The following SH3BP4 variants were observed in gnomAD, a reference collection of about 807,000 sequenced individuals.
SH3BP4 encodes the protein SH3 domain-binding protein 4.
Under a neutral mutation model 65.5 loss-of-function variants are expected in SH3BP4, and 33 were observed. That is an observed-to-expected ratio of 0.50 (90% confidence interval 0.38 to 0.67). The LOEUF (loss-of-function observed/expected upper bound fraction) is 0.67, where lower values mean the gene tolerates loss of function less well. Ranked by LOEUF, SH3BP4 falls within the 30% of genes least tolerant of loss-of-function variation. The pLI is 0.00. For synonymous variants in SH3BP4, 552 were observed against 545.5 expected (o/e 1.01, Z -0.17); for missense variants, 1,134 against 1,261.4 (o/e 0.90, Z 1.53).
intron 1 of SH3BP4, among the ~76,000 whole-genome samples, chr2:234,960,177 T>G (rs1692674649): frequency 6.6e-6 from 1 of 152,236 alleles, no homozygotes; most frequent in African/African-American, 2.4e-5. Flanking sequence ...ATAATTCATG[T>G]AGAATGCTAG....
At chr2:235,043,868 G>A (rs1483539146) in intron 4 of SH3BP4, among the ~76,000 whole-genome samples, 1 of 152,288 alleles carries the variant, frequency 6.6e-6, no homozygotes, top group Non-Finnish European at 1.5e-5. Context: ...GGGTTTACGG[G>A]GGATCCTGGG....
intron 3 of SH3BP4, among the ~76,000 whole-genome samples, chr2:235,038,376 C>CATATATAT (rs1177080438): frequency 9.7e-4 from 12 of 12,346 alleles, no homozygotes; most frequent in African/African-American, 1.4e-3. Context: ...AATATATATA[C>CATATATAT]ATATATATAT....
At chr2:235,001,648 C>A (rs1270026023) in intron 2 of SH3BP4, among the ~76,000 whole-genome samples, 2 of 152,168 alleles carry the variant, frequency 1.3e-5, no homozygotes, top group African/African-American at 4.8e-5. Flanking sequence ...CTGAACAATG[C>A]CTGAACGTCG....
Position 234,997,135 on chromosome 2 carries a change from G to T in SH3BP4, c.-133+1759G>T, listed in dbSNP as rs1693948284. The stretch of plus-strand genomic sequence containing the variant: ...GGGCAGAGCGTTGCATGTGCCTCTG[G>T]GTGGGGTGTAGGGGTGCTTGGGGGC... On this transcript the variant is annotated intron_variant, in intron 2 of 5. Transcript: ENST00000392011. The surrounding 1 kb of genome is among the most constrained non-coding windows in gnomAD (Gnocchi z 4.2). 6.6e-6 allele frequency among the ~76,000 whole-genome samples: 1 copy of T among 152,246 alleles called. No homozygotes were observed. Among genetic ancestry groups the T allele is most frequent in the East Asian group, 1.9e-4 (1 of 5,192 alleles).
At chr2:234,968,515 C>T (rs28672772) in intron 1 of SH3BP4, among the ~76,000 whole-genome samples, 4,029 of 151,764 alleles carry the variant, frequency 0.027, 161 homozygotes, top group African/African-American at 0.082. Flanking sequence ...CTGAGAATGC[C>T]TTCAGTGTTT....
chr2:235,030,065 G>C lies in SH3BP4; in HGVS notation c.-132-4806G>C, dbSNP rs1695131982. ...GCAATATGTAACCCTGGAGGTACAGGTGGAGACTGAGTAGTGGGGGTCTTT... is the reference window on the plus strand; with the variant it reads ...GCAATATGTAACCCTGGAGGTACAGCTGGAGACTGAGTAGTGGGGGTCTTT... On this transcript the variant is annotated intron_variant, in intron 2 of 5. Transcript: ENST00000392011. This position sits in a 1 kb window ranked among gnomAD's most constrained non-coding sequence, Gnocchi z 4.1. Among the ~76,000 whole-genome samples, 1 of 152,206 alleles carries C rather than the reference G, an allele frequency of 6.6e-6. No individual in the cohort carries two copies. The highest frequency in any genetic ancestry group is 2.4e-5 in the African/African-American group (1 of 41,440).
rs1217166745 is a variant in SH3BP4, at chr2:234,974,001, G to A, written c.-206-21302G>A. Among the ~76,000 whole-genome samples, 2 of 152,060 alleles carry A rather than the reference G, an allele frequency of 1.3e-5. No individual in the cohort carries two copies. The highest frequency in any genetic ancestry group is 2.9e-5 in the Non-Finnish European group (2 of 68,008). ...ATGAGCCAGTCTCCAAGTGCTCCGG[G>A]TCTAGTAAGTCAACAGGGGAGGCTT... On this transcript the variant is annotated intron_variant, in intron 1 of 5. Transcript: ENST00000392011. This position sits in a 1 kb window ranked among gnomAD's most constrained non-coding sequence, Gnocchi z 4.6.
In SH3BP4 at chr2:235,033,409, C is replaced by T. The variant is rs1449163552; in HGVS notation, c.-132-1462C>T. On this transcript the variant is annotated intron_variant, in intron 2 of 5. Coordinates refer to ENST00000392011, the MANE Select transcript of SH3BP4 (RefSeq NM_014521.3). This position sits in a 1 kb window ranked among gnomAD's most constrained non-coding sequence, Gnocchi z 5.7. ...CTAACTCTAACTACTCCCCACTGCC[C>T]CACCTGCCAGTGCCATCACATTAGG... Among the ~76,000 whole-genome samples the T allele has an allele frequency of 6.6e-6, 1 of 152,214 alleles. No homozygotes were observed. Among genetic ancestry groups the T allele is most frequent in the Non-Finnish European group, 1.5e-5 (1 of 68,038 alleles).
At chr2:235,047,331 G>T (rs1274317253) in intron 4 of SH3BP4, among the ~76,000 whole-genome samples, 5 of 152,178 alleles carry the variant, frequency 3.3e-5, no homozygotes, top group African/African-American at 1.2e-4. Flanking sequence ...TGATTCAAGG[G>T]TAGGGTTTTC....
chr2:235,014,195 C>T (rs112099143), intron 2 of SH3BP4, among the ~76,000 whole-genome samples: 57 of 152,268 alleles, frequency 3.7e-4, no homozygotes, highest in African/African-American at 1.2e-3. Context: ...TGCCTGCCGA[C>T]ATCAGCCTGA....
intron 2 of SH3BP4, among the ~76,000 whole-genome samples, chr2:235,019,418 C>T (rs966871206): frequency 8.9e-5 from 13 of 146,764 alleles, no homozygotes; most frequent in Admixed American, 2.1e-4. Flanking sequence ...ATGGGCTTGA[C>T]GGTGGGAAGG....
chr2:234,972,648 C>T lies in SH3BP4; in HGVS notation c.-207+20478C>T, dbSNP rs139035180. 1.8e-3 allele frequency among the ~76,000 whole-genome samples: 267 copies of T among 152,228 alleles called. 2 individuals carry two copies. The highest frequency in any genetic ancestry group is 5.9e-3 in the African/African-American group (245 of 41,538). Reference sequence around the variant, plus strand: ...AGACTGAGGCAGGAGGATGGCTGAGCCCAGGAGGTCAAGCCTGCAGTGAGC... The same window carrying T: ...AGACTGAGGCAGGAGGATGGCTGAGTCCAGGAGGTCAAGCCTGCAGTGAGC... On this transcript the variant is annotated intron_variant, in intron 1 of 5. Transcript: ENST00000392011.
rs1050759231 is a variant in SH3BP4 at position 234,977,364 on chromosome 2, A to T, written c.-206-17939A>T. Reference sequence around the variant, plus strand: ...GGGCCGAGGCCCATCTCTTTTCCCAACAGCACATCCTTTGTTCTCTCCAGC... The same window carrying T: ...GGGCCGAGGCCCATCTCTTTTCCCATCAGCACATCCTTTGTTCTCTCCAGC... On this transcript the variant is annotated intron_variant, in intron 1 of 5. Transcript: ENST00000392011. This position sits in a 1 kb window ranked among gnomAD's most constrained non-coding sequence, Gnocchi z 5.1. 2.0e-4 allele frequency among the ~76,000 whole-genome samples: 31 copies of T among 152,104 alleles called. No individual in the cohort carries two copies. Among genetic ancestry groups the T allele is most frequent in the African/African-American group, 6.3e-4 (26 of 41,416 alleles).
intron 1 of SH3BP4, among the ~76,000 whole-genome samples, chr2:234,986,980 C>T (rs1693580953): frequency 6.6e-6 from 1 of 151,990 alleles, no homozygotes; most frequent in Non-Finnish European, 1.5e-5. Flanking sequence ...CCATGTTGGT[C>T]AGGCTGGTCT....
rs930546515 is a variant in SH3BP4 at position 235,022,619 on chromosome 2, C to T, written c.-132-12252C>T. Among the ~76,000 whole-genome samples, 8 of 152,232 alleles carry T rather than the reference C, an allele frequency of 5.3e-5. No individual in the cohort carries two copies. In the East Asian group the frequency reaches 9.7e-4, roughly 18 times the overall value. On this transcript the variant is annotated intron_variant, in intron 2 of 5. Transcript: ENST00000392011. The stretch of plus-strand genomic sequence containing the variant: ...GAAAGCGGGTGAATCGAGACATTGA[C>T]GGCCCATCCCCTCGTTGTCAGATAA...
In SH3BP4 at chr2:235,034,802, C is replaced by T; in HGVS notation, c.-132-69C>T. The T allele has an allele frequency of 3.5e-6, 2 of 570,338 alleles. No individual in the cohort carries two copies. Among genetic ancestry groups the T allele is most frequent in the South Asian group, 2.1e-5 (1 of 48,038 alleles). 35.3% of individuals were successfully genotyped at this position (570,338 alleles called of 1,614,324 possible). A position where few individuals can be genotyped will look rare whatever the true frequency, so the allele number is the denominator to read the frequency against. ...CTGGAAGAAAGAGGATTCCCACTTC[C>T]CATAAAATTACCATTGAACCCATGT... On this transcript the variant is annotated intron_variant, in intron 2 of 5. Coordinates refer to ENST00000392011, the MANE Select transcript of SH3BP4 (RefSeq NM_014521.3). The surrounding 1 kb of genome is among the most constrained non-coding windows in gnomAD (Gnocchi z 6.2).
At position 235,042,598 on chromosome 2, in the gene SH3BP4, A is replaced by G; in HGVS notation, c.1829A>G (p.Gln610Arg). The stretch of plus-strand genomic sequence containing the variant: ...ACCCAGTTTTGTGTCCAGACTCCTC[A>G]GCCACCCCCTAAAAGTGCCATCAAG... Reference protein sequence around the residue: ...ILTQFCVQTPQPPPKSAIKPS... With the variant: ...ILTQFCVQTPRPPPKSAIKPS... The change falls in exon 4 of 6, where the codon CAG (glutamine) becomes CGG (arginine). Residue 610 changes from glutamine (Q) to arginine (R), a missense_variant. By Grantham distance (43) the Gln-to-Arg change is conservative. Transcript: ENST00000392011. The surrounding 1 kb of genome is among the most constrained non-coding windows in gnomAD (Gnocchi z 7.3). 2 of 1,614,122 alleles carry G rather than the reference A, an allele frequency of 1.2e-6. No homozygotes were observed. Among genetic ancestry groups the G allele is most frequent in the Non-Finnish European group, 1.7e-6 (2 of 1,180,022 alleles).
rs1024467333 is a variant in SH3BP4 at position 234,991,678 on chromosome 2, C to A, written c.-206-3625C>A. On this transcript the variant is annotated intron_variant, in intron 1 of 5. Transcript: ENST00000392011. This position sits in a 1 kb window ranked among gnomAD's most constrained non-coding sequence, Gnocchi z 4.2. Reference sequence around the variant, plus strand: ...AGTGCTTGACTGAAAGATCGTACCCCCCTCTTCTCAGCAAGGCGGTCCTTG... The same window carrying A: ...AGTGCTTGACTGAAAGATCGTACCCACCTCTTCTCAGCAAGGCGGTCCTTG... Among the ~76,000 whole-genome samples the A allele has an allele frequency of 6.6e-6, 1 of 152,222 alleles. No individual in the cohort carries two copies. The highest frequency in any genetic ancestry group is 1.5e-5 in the Non-Finnish European group (1 of 68,050).
rs538280195 is a variant in SH3BP4, at chr2:234,964,777, C to T, written c.-207+12607C>T. On this transcript the variant is annotated intron_variant, in intron 1 of 5. Coordinates refer to ENST00000392011, the MANE Select transcript of SH3BP4 (RefSeq NM_014521.3). Reference sequence around the variant, plus strand: ...CGGACAGGTCCTTCTGCACTTCCCTCGCTTTGAACTTGTATCTAAGGGCAC... The same window carrying T: ...CGGACAGGTCCTTCTGCACTTCCCTTGCTTTGAACTTGTATCTAAGGGCAC... 4.6e-5 allele frequency among the ~76,000 whole-genome samples: 7 copies of T among 152,266 alleles called. No homozygotes were observed. The South Asian group carries it at 8.3e-4, about 18-fold the overall frequency.
Sources: allele counts gnomAD v4.1 joint callset (sites outside exome capture counted in the v4.1 genomes callset), GRCh38; gene constraint gnomAD v4.1.1; non-coding constraint Gnocchi (gnomAD v3.1); transcripts MANE v1.5; gene names NCBI Gene and HGNC (gene_info 2026-07-23, HGNC 2026-07-21).